The following SEMA6D variants were observed in gnomAD, a reference collection of about 807,000 sequenced individuals.
SEMA6D encodes the protein semaphorin-6D.
In SEMA6D, 35 loss-of-function variants were observed where a neutral mutation model predicts 106.6. That is an observed-to-expected ratio of 0.33 (90% CI 0.25 to 0.44). The LOEUF (loss-of-function observed/expected upper bound fraction) is 0.44. SEMA6D is among the 20% of genes least tolerant of loss of function. The pLI is 1.00. For synonymous variants in SEMA6D, 499 were observed against 487.7 expected, an observed-to-expected ratio of 1.02 and a Z score of -0.31; for missense variants, 1,185 against 1,345.9, an observed-to-expected ratio of 0.88 and a Z score of 1.87.
intron 3 of SEMA6D, among the ~76,000 whole-genome samples, chr15:47,585,470 A>G (rs911199899): frequency 1.3e-5 from 2 of 152,176 alleles, no homozygotes; most frequent in South Asian, 2.1e-4. Context: ...ATGGGAGCCT[A>G]TCCTCTTCTT....
At chr15:47,617,696 T>C (rs566543008) in intron 4 of SEMA6D, among the ~76,000 whole-genome samples, 50 of 152,214 alleles carry the variant, frequency 3.3e-4, no homozygotes, top group Non-Finnish European at 6.5e-4. Context: ...TAGACTGAGA[T>C]CTGTTGACCT....
chr15:47,745,963 T>G (rs2081108161), intron 1 of SEMA6D, among the ~76,000 whole-genome samples: 1 of 152,222 alleles, frequency 6.6e-6, no homozygotes. Context: ...AAAAACAAGT[T>G]AGGATTGACT....
At chr15:47,683,719 T>G (rs1354340265) in intron 4 of SEMA6D, among the ~76,000 whole-genome samples, 1 of 152,228 alleles carries the variant, frequency 6.6e-6, no homozygotes, top group Non-Finnish European at 1.5e-5. Context: ...AACGAGTTAT[T>G]TAAGTATTAC....
intron 4 of SEMA6D, among the ~76,000 whole-genome samples, chr15:47,618,183 TAAC>T (rs1260013089): frequency 6.6e-6 from 1 of 152,202 alleles, no homozygotes; most frequent in South Asian, 2.1e-4. Context: ...CTTAGATGGC[TAAC>T]AACAACAATA....
chr15:47,640,947 A>G (rs770974230), intron 4 of SEMA6D, among the ~76,000 whole-genome samples: 1 of 152,150 alleles, frequency 6.6e-6, no homozygotes, highest in African/African-American at 2.4e-5. Flanking sequence ...AGAAACCTCA[A>G]AGTCCTTCAC....
At position 47,290,263 on chromosome 15, in the gene SEMA6D, C is replaced by A. The variant is rs545516031; in HGVS notation, c.-239+105845C>A. Among the ~76,000 whole-genome samples, 8 of 152,250 alleles carry A rather than the reference C, an allele frequency of 5.3e-5. No individual in the cohort carries two copies. The East Asian group carries it at 1.5e-3, about 29-fold the overall frequency. On this transcript the variant is annotated intron_variant, in intron 1 of 19. Transcript: ENST00000558014. The stretch of plus-strand genomic sequence containing the variant: ...CACCTTTGGCAAATCAGTTACTAAA[C>A]CCAGATTTGAAAATAATGCAACATT...
chr15:47,546,861 C>T (rs2045539129), intron 3 of SEMA6D, among the ~76,000 whole-genome samples: 1 of 152,022 alleles, frequency 6.6e-6, no homozygotes, highest in African/African-American at 2.4e-5. Context: ...ATCCCCATTG[C>T]AAAGCTAATT....
At chr15:47,348,727 CAGAGAGAGAG>C (rs55719976) in intron 1 of SEMA6D, among the ~76,000 whole-genome samples, 2 of 57,120 alleles carry the variant, frequency 3.5e-5, no homozygotes, top group Admixed American at 2.4e-4. Flanking sequence ...ACCACACACA[CAGAGAGAGAG>C]AGAGAGAGAG....
intron 15 of SEMA6D, among the ~76,000 whole-genome samples, 173 bp downstream of exon 15, chr15:47,766,355 G>T (rs1313325420): frequency 2.6e-5 from 4 of 151,996 alleles, no homozygotes; most frequent in Non-Finnish European, 4.4e-5. Flanking sequence ...TAATACTTAA[G>T]GGAAATGGTA....
At chr15:47,258,661 G>T (rs1230948845) in intron 1 of SEMA6D, among the ~76,000 whole-genome samples, 1 of 151,988 alleles carries the variant, frequency 6.6e-6, no homozygotes, top group Non-Finnish European at 1.5e-5. Flanking sequence ...CAGGCCTTTG[G>T]ACTCAGACTG....
At chr15:47,288,221 A>G (rs961609350) in intron 1 of SEMA6D, among the ~76,000 whole-genome samples, 4 of 152,214 alleles carry the variant, frequency 2.6e-5, no homozygotes, top group East Asian at 1.9e-4. Context: ...ATTCCTCTCA[A>G]TTTCTACTGC....
intron 1 of SEMA6D, among the ~76,000 whole-genome samples, chr15:47,337,104 G>A (rs527295432): frequency 5.3e-5 from 8 of 152,124 alleles, no homozygotes; most frequent in Non-Finnish European, 8.8e-5. Context: ...TCAAGGTAGA[G>A]CAAGTAAATG....
At chr15:47,477,416 C>G (rs1321119403) in intron 3 of SEMA6D, among the ~76,000 whole-genome samples, 2 of 152,094 alleles carry the variant, frequency 1.3e-5, no homozygotes, top group East Asian at 3.9e-4. Flanking sequence ...AGCTGCCACT[C>G]AAGTGTTGCC....
At chr15:47,762,959 T>A in intron 8 of SEMA6D, 57 bp from the exon 9 acceptor site, 8 of 1,302,800 alleles carry the variant, frequency 6.1e-6, no homozygotes, top group Non-Finnish European at 7.6e-6. Flanking sequence ...GCAGTCGGGG[T>A]CTTATGCTAA....
chr15:47,678,964 T>C (rs923394508), intron 4 of SEMA6D, among the ~76,000 whole-genome samples: 4 of 152,218 alleles, frequency 2.6e-5, no homozygotes, highest in African/African-American at 9.6e-5. Context: ...ACTCCAAATG[T>C]CAGCTATTCA....
intron 4 of SEMA6D, among the ~76,000 whole-genome samples, chr15:47,607,095 G>A (rs910164296): frequency 6.9e-6 from 1 of 144,026 alleles, no homozygotes; most frequent in Admixed American, 7.0e-5. Context: ...ATTATGATAA[G>A]GACTTGATCA....
chr15:47,647,332 G>C (rs549121786), intron 4 of SEMA6D, among the ~76,000 whole-genome samples: 1 of 152,226 alleles, frequency 6.6e-6, no homozygotes, highest in African/African-American at 2.4e-5. Flanking sequence ...GTTTAGCCGG[G>C]GTCTGTCAAG....
chr15:47,560,676 A>G (rs2046052900), intron 3 of SEMA6D, among the ~76,000 whole-genome samples: 1 of 152,150 alleles, frequency 6.6e-6, no homozygotes, highest in South Asian at 2.1e-4. Context: ...AAAAGACATT[A>G]AAGTCTTAAT....
chr15:47,654,909 A>T (rs2077762719), intron 4 of SEMA6D, among the ~76,000 whole-genome samples: 1 of 152,176 alleles, frequency 6.6e-6, no homozygotes, highest in Non-Finnish European at 1.5e-5. Flanking sequence ...AGTCTCACAT[A>T]TTCCTTTATA....
Sources: allele counts gnomAD v4.1 joint callset (sites outside exome capture counted in the v4.1 genomes callset), GRCh38; gene constraint gnomAD v4.1.1; transcripts MANE v1.5; gene names NCBI Gene and HGNC (gene_info 2026-07-23, HGNC 2026-07-21).